Variants in ADAM22 observed in about 807,000 individuals in gnomAD.
ADAM22 encodes the protein ADAM metallopeptidase domain 22.
A neutral mutation model predicts 144.6 loss-of-function variants in ADAM22; 65 were observed. The ratio of observed to expected loss-of-function variants is 0.45; its 90% CI spans 0.37 to 0.55. The LOEUF is 0.55. ADAM22 is among the 20% of genes least tolerant of loss of function. ADAM22 has a pLI of 0.00. For missense variants in ADAM22, 974 were observed against 1,184.9 expected, an observed-to-expected ratio of 0.82 and a Z score of 2.61; for synonymous variants, 391 against 412.6, an observed-to-expected ratio of 0.95 and a Z score of 0.63.
At chr7:87,938,044 A>G (rs904837353) in intron 2 of ADAM22, among the ~76,000 whole-genome samples, 1 of 152,128 alleles carries the variant, frequency 6.6e-6, no homozygotes, top group Non-Finnish European at 1.5e-5. Flanking sequence ...AACTTTTCCT[A>G]CAGTTAGGAA....
intron 18 of ADAM22, 44 bp from the exon 19 acceptor site, chr7:88,150,937 T>C (rs753691034): frequency 6.0e-6 from 9 of 1,490,222 alleles, no homozygotes; most frequent in Non-Finnish European, 8.4e-6. Context: ...CTCAGCCTTA[T>C]ATTTTGCACT....
At chr7:88,160,666 G>A (rs146275160) in intron 22 of ADAM22, among the ~76,000 whole-genome samples, 59 of 152,222 alleles carry the variant, frequency 3.9e-4, no homozygotes, top group African/African-American at 1.2e-3. Context: ...ACATGCCCAC[G>A]TATGTTTATT....
chr7:88,091,265 G>A lies in ADAM22; in HGVS notation c.390+15573G>A, dbSNP rs1287100408. 1.1e-4 allele frequency among the ~76,000 whole-genome samples: 16 copies of A among 151,846 alleles called. 1 individual carries two copies. The highest frequency in any genetic ancestry group is 1.1e-3 in the Admixed American group (16 of 15,232). On this transcript the variant is annotated intron_variant, in intron 4 of 31. Coordinates refer to ENST00000413139, the MANE Select transcript of ADAM22 (RefSeq NM_001324418.2). ...ATTTTGCTTACTTAAGGCTACTGATGGATTATTCTTTTTAGTTAATGACAC... is the reference window on the plus strand; with the variant it reads ...ATTTTGCTTACTTAAGGCTACTGATAGATTATTCTTTTTAGTTAATGACAC...
intron 21 of ADAM22, 70 bp from the exon 22 acceptor site, chr7:88,155,817 A>G: frequency 6.5e-7 from 1 of 1,528,266 alleles, no homozygotes; most frequent in Non-Finnish European, 8.8e-7. Flanking sequence ...AAATGAGAGA[A>G]GATTATTCTA....
chr7:88,181,928 G>T lies in ADAM22; in HGVS notation c.2597-30G>T, dbSNP rs1847137989. On this transcript the variant is annotated intron_variant, in intron 28 of 31. Coordinates refer to ENST00000413139, the MANE Select transcript of ADAM22 (RefSeq NM_001324418.2). The stretch of plus-strand genomic sequence containing the variant: ...ACATAGGGCAATCACTTATTTACAT[G>T]GAAATCTAGCTCTAAACCGTCTTTT... The T allele has an allele frequency of 2.5e-6, 4 of 1,598,640 alleles. No individual in the cohort carries two copies. The African/African-American group carries it at 5.4e-5, about 22-fold the overall frequency.
intron 9 of ADAM22, among the ~76,000 whole-genome samples, chr7:88,128,958 T>C (rs2129496707): frequency 6.6e-6 from 1 of 152,102 alleles, no homozygotes; most frequent in African/African-American, 2.4e-5. Context: ...GAATCTCCAC[T>C]TAATAAAATG....
At chr7:88,181,388 T>C in intron 27 of ADAM22, 117 bp from the exon 28 acceptor site, 1 of 783,146 alleles carries the variant, frequency 1.3e-6, no homozygotes, top group Non-Finnish European at 2.0e-6. Flanking sequence ...TTTCAGATTT[T>C]TTCTTTCTTG....
At position 87,934,322 on chromosome 7, in the gene ADAM22, CA is replaced by C. The variant is rs1840642494; in HGVS notation, c.-143del. ...CAGCACTGAGCCGCGGTGGAGGTTG[CA>C]GCGCCACGGCCGCCGCAGCACCGGC... On this transcript the variant is annotated 5_prime_UTR_variant, in exon 1 of 32. Coordinates refer to ENST00000413139, the MANE Select transcript of ADAM22 (RefSeq NM_001324418.2). 1.3e-5 allele frequency: 9 copies of C among 674,980 alleles called. No homozygotes were observed. The East Asian group carries it at 2.8e-4, about 21-fold the overall frequency. The allele number at this position is 674,980 out of a possible 1,614,324, so 41.8% of individuals were successfully genotyped here.
chr7:87,978,357 A>G lies in ADAM22; in HGVS notation c.268A>G (p.Ser90Gly). ...GTAGTTGACTCATGTTGACCAAGCA[A>G]GCTTCCAGGTTGATGCCTTTGGAAC... The part of the protein sequence containing the change: ...GPQLTHVDQA[S>G]FQVDAFGTSF... Residue 90 changes from serine (S) to glycine (G), a missense_variant, in exon 3 of 32, where the codon AGC (serine) becomes GGC (glycine). Around this residue, in one of 2 missense-constraint regions of ADAM22, gnomAD observed 240 missense variants for 234.3 expected, o/e 1.02. Transcript: ENST00000413139. The G allele has an allele frequency of 6.2e-7, 1 of 1,613,430 alleles. No homozygotes were observed. Among genetic ancestry groups the G allele is most frequent in the Non-Finnish European group, 8.5e-7 (1 of 1,179,718 alleles).
intron 3 of ADAM22, among the ~76,000 whole-genome samples, chr7:88,014,455 A>G (rs1427250591): frequency 2.6e-5 from 4 of 152,156 alleles, no homozygotes; most frequent in African/African-American, 9.7e-5. Context: ...GAAGTTATAT[A>G]CTTTTGACTG....
chr7:88,131,514 C>A, intron 11 of ADAM22, 79 bp downstream of exon 11: 1 of 1,444,302 alleles, frequency 6.9e-7, no homozygotes, highest in African/African-American at 1.4e-5. Context: ...TGTATCCTTT[C>A]TGCTACATAA....
At chr7:87,972,945 A>C (rs751929878) in intron 2 of ADAM22, among the ~76,000 whole-genome samples, 14 of 152,224 alleles carry the variant, frequency 9.2e-5, no homozygotes, top group Non-Finnish European at 1.8e-4. Context: ...AATTAATTCA[A>C]GATGGATTAA....
At chr7:87,966,721 G>GTTTT (rs71120012) in intron 2 of ADAM22, among the ~76,000 whole-genome samples, 3,736 of 39,894 alleles carry the variant, frequency 0.094, 1,227 homozygotes, top group African/African-American at 0.11. Flanking sequence ...AAGGAAAGCC[G>GTTTT]TTTTTTTTTT....
rs570224488 is a variant in ADAM22 at position 87,969,680 on chromosome 7, A to T, written c.247-8656A>T. Among the ~76,000 whole-genome samples, 3 of 152,352 alleles carry T rather than the reference A, an allele frequency of 2.0e-5. No individual in the cohort carries two copies. In the South Asian group the frequency reaches 6.2e-4, roughly 32 times the overall value. ...CTGCTCTAGTTTATTCCACTGGTAAATGGAAGACCTAGAATTCAAATGTAC... is the reference window on the plus strand; with the variant it reads ...CTGCTCTAGTTTATTCCACTGGTAATTGGAAGACCTAGAATTCAAATGTAC... On this transcript the variant is annotated intron_variant, in intron 2 of 31. Coordinates refer to ENST00000413139, the MANE Select transcript of ADAM22 (RefSeq NM_001324418.2).
intron 3 of ADAM22, among the ~76,000 whole-genome samples, chr7:88,071,295 T>C (rs36094117): frequency 6.6e-6 from 1 of 151,932 alleles, no homozygotes; most frequent in South Asian, 2.1e-4. Flanking sequence ...TGAATAGATA[T>C]GAGATGGTGA....
At chr7:88,135,735 A>G (rs577700564) in intron 13 of ADAM22, among the ~76,000 whole-genome samples, 14 of 152,340 alleles carry the variant, frequency 9.2e-5, no homozygotes, top group Middle Eastern at 3.4e-3. Flanking sequence ...AATGGTTTAA[A>G]TATGGCCATT....
chr7:87,948,055 T>G (rs907629742), intron 2 of ADAM22, among the ~76,000 whole-genome samples: 1 of 152,156 alleles, frequency 6.6e-6, no homozygotes, highest in Non-Finnish European at 1.5e-5. Flanking sequence ...TCTTCTTCTC[T>G]TTCTTTCATC....
chr7:87,940,002 G>A (rs1842143739), intron 2 of ADAM22, among the ~76,000 whole-genome samples: 1 of 151,898 alleles, frequency 6.6e-6, no homozygotes, highest in Non-Finnish European at 1.5e-5. Context: ...AGACCAGCCT[G>A]ACCAATATGG....
chr7:88,094,558 A>C (rs1053664585), intron 4 of ADAM22, among the ~76,000 whole-genome samples: 1 of 152,182 alleles, frequency 6.6e-6, no homozygotes, highest in African/African-American at 2.4e-5. Flanking sequence ...TGTAAAGGAA[A>C]TCAGACTAAC....
Sources: allele counts gnomAD v4.1 joint callset (sites outside exome capture counted in the v4.1 genomes callset), GRCh38; gene constraint gnomAD v4.1.1; regional missense constraint gnomAD v4.1.1; transcripts MANE v1.5; gene names NCBI Gene and HGNC (gene_info 2026-07-23, HGNC 2026-07-21).